The following GABRG1 variants were observed in gnomAD, a reference collection of about 807,000 sequenced individuals.
GABRG1 encodes gamma-aminobutyric acid receptor subunit gamma-1.
GABRG1 carries 49 observed loss-of-function variants against 49.8 expected under a neutral mutation model. The observed-to-expected ratio is 0.98, with a 90% CI of 0.78 to 1.25. GABRG1 has a LOEUF of 1.25. Ranked by LOEUF, GABRG1 falls within the 50% of genes most tolerant of loss-of-function variation. The pLI is 0.00. For synonymous variants in GABRG1, 232 were observed against 185.1 expected, an observed-to-expected ratio of 1.25 and a Z score of -2.06; for missense variants, 552 against 552.3, an observed-to-expected ratio of 1.00 and a Z score of 0.01.
chr4:46,081,533 G>A (rs140859454), intron 3 of GABRG1, among the ~76,000 whole-genome samples: 2 of 151,796 alleles, frequency 1.3e-5, no homozygotes, highest in Non-Finnish European at 2.9e-5. Context: ...GGAGTAAGCA[G>A]ACATAGGCAA....
intron 3 of GABRG1, 88 bp downstream of exon 3, chr4:46,083,897 AT>A: frequency 1.3e-6 from 1 of 749,962 alleles, no homozygotes; most frequent in Non-Finnish European, 2.3e-6. Context: ...AGAATTAACT[AT>A]AAAAAATTAC....
chr4:46,047,720 A>G (rs1007305277), intron 8 of GABRG1, among the ~76,000 whole-genome samples: 4 of 151,990 alleles, frequency 2.6e-5, no homozygotes, highest in African/African-American at 9.7e-5. Context: ...AAAATAACCT[A>G]CTTCTGAAAA....
At chr4:46,091,565 C>T (rs183850668) in intron 2 of GABRG1, among the ~76,000 whole-genome samples, 23 of 151,878 alleles carry the variant, frequency 1.5e-4, no homozygotes, top group African/African-American at 5.5e-4. Context: ...TTATAGTATA[C>T]CTGAAATTGA....
At chr4:46,096,833 A>G (rs1373110958) in intron 2 of GABRG1, among the ~76,000 whole-genome samples, 1 of 151,708 alleles carries the variant, frequency 6.6e-6, no homozygotes. Context: ...TGGCATGAAA[A>G]AGTATAATTT....
chr4:46,120,577 CATTTGCTTTT>C, intron 1 of GABRG1, among the ~76,000 whole-genome samples: 1 of 151,794 alleles, frequency 6.6e-6, no homozygotes, highest in Non-Finnish European at 1.5e-5. Flanking sequence ...TTTACTTAGT[CATTTGCTTTT>C]CAAGTTTGAA....
intron 3 of GABRG1, among the ~76,000 whole-genome samples, chr4:46,069,990 G>A (rs1719057220): frequency 6.6e-6 from 1 of 151,846 alleles, no homozygotes; most frequent in Admixed American, 6.6e-5. Flanking sequence ...GAAGGGAGAG[G>A]ACAAAGAGGC....
At chr4:46,119,927 T>C (rs1721046547) in intron 1 of GABRG1, among the ~76,000 whole-genome samples, 1 of 151,728 alleles carries the variant, frequency 6.6e-6, no homozygotes, top group Admixed American at 6.6e-5. Flanking sequence ...TATATCATAA[T>C]AGAATAACTA....
At chr4:46,092,977 G>A (rs1418245116) in intron 2 of GABRG1, among the ~76,000 whole-genome samples, 1 of 151,048 alleles carries the variant, frequency 6.6e-6, no homozygotes, top group East Asian at 2.0e-4. Context: ...GCTGAGACAG[G>A]AGAATTGCTT....
At chr4:46,083,046 C>T (rs1431735589) in intron 3 of GABRG1, among the ~76,000 whole-genome samples, 1 of 151,648 alleles carries the variant, frequency 6.6e-6, no homozygotes, top group Non-Finnish European at 1.5e-5. Context: ...CTGGACCATT[C>T]CTGCTGAATG....
chr4:46,051,639 C>A lies in GABRG1; in HGVS notation c.917-1G>T. ...GTCATAGTCAGAACTGTAGTGATACCTATAGAGAGAGGAAACAAAACAGGA... is the reference window on the plus strand; with the variant it reads ...GTCATAGTCAGAACTGTAGTGATACATATAGAGAGAGGAAACAAAACAGGA... On this transcript the variant is annotated splice_acceptor_variant, in intron 7 of 8. Transcript: ENST00000295452. LOFTEE classifies it high-confidence loss of function. The A allele has an allele frequency of 3.2e-6, 5 of 1,555,470 alleles. No homozygotes were observed. The highest frequency in any genetic ancestry group is 3.5e-6 in the Non-Finnish European group (4 of 1,141,792).
rs559613257 is a variant in GABRG1, at chr4:46,091,373, G to T, written c.253+5828C>A. Among the ~76,000 whole-genome samples, 23 of 151,918 alleles carry T rather than the reference G, an allele frequency of 1.5e-4. No individual in the cohort carries two copies. In the South Asian group the frequency reaches 4.6e-3, roughly 30 times the overall value. On this transcript the variant is annotated intron_variant, in intron 2 of 8. Coordinates refer to ENST00000295452, the MANE Select transcript of GABRG1 (RefSeq NM_173536.4). ...CCATTATTTTTCACATACCCTACTC[G>T]CATTCAACACAAAATTAAGACACAT... is the stretch of plus-strand genomic sequence containing the variant.
In GABRG1 at chr4:46,064,445, T is replaced by C. The variant is rs1718830490; in HGVS notation, c.621A>G (p.Ser207=). ...MDEHSCPLEF[S]SYGYPKNEIE... is the part of the protein sequence containing the mutation. ...ATCAAGTGTTTTGTTACTTACAGCT[T>C]GAAAATTCCAGTGGACAGGAATGTT... Residue 207 remains serine (S), a synonymous_variant, in exon 5 of 9, where the codon TCA becomes TCG. Coordinates refer to ENST00000295452, the MANE Select transcript of GABRG1 (RefSeq NM_173536.4). The C allele has an allele frequency of 1.3e-6, 2 of 1,510,578 alleles. No individual in the cohort carries two copies. Among genetic ancestry groups the C allele is most frequent in the Non-Finnish European group, 1.8e-6 (2 of 1,124,160 alleles). 93.6% of individuals were successfully genotyped at this position (1,510,578 alleles called of 1,614,324 possible).
At position 46,121,062 on chromosome 4, in the gene GABRG1, T is replaced by C. The variant is rs540498303; in HGVS notation, c.104+2748A>G. Among the ~76,000 whole-genome samples, 464 of 151,856 alleles carry C rather than the reference T, an allele frequency of 3.1e-3. 2 individuals are homozygous for C. The highest frequency in any genetic ancestry group is 5.9e-3 in the Non-Finnish European group (397 of 67,794). On this transcript the variant is annotated intron_variant, in intron 1 of 8. Transcript: ENST00000295452. ...TACAGTTTTAGTTACAATGATAGGA[T>C]AGGTTTTCATAGTTCAGCAATAAAA...
intron 1 of GABRG1, among the ~76,000 whole-genome samples, chr4:46,104,403 G>T (rs1223856500): frequency 6.6e-6 from 1 of 151,424 alleles, no homozygotes; most frequent in Non-Finnish European, 1.5e-5. Context: ...TGAATTTATT[G>T]CCGTGTTGTT....
intron 3 of GABRG1, among the ~76,000 whole-genome samples, chr4:46,070,792 G>A (rs1719088847): frequency 6.6e-6 from 1 of 152,074 alleles, no homozygotes; most frequent in South Asian, 2.1e-4. Context: ...TCTGCAGCCT[G>A]AGTCTCTTCT....
At chr4:46,100,295 G>A (rs1720337436) in intron 1 of GABRG1, among the ~76,000 whole-genome samples, 1 of 151,408 alleles carries the variant, frequency 6.6e-6, no homozygotes, top group African/African-American at 2.4e-5. Flanking sequence ...CAAATGGAGG[G>A]GAGCAACACA....
chr4:46,118,278 C>CTATCTATA (rs1211123452), intron 1 of GABRG1, among the ~76,000 whole-genome samples: 1 of 149,468 alleles, frequency 6.7e-6, no homozygotes, highest in African/African-American at 2.5e-5. Flanking sequence ...ATCTATCTAT[C>CTATCTATA]TACCTACCTA....
rs570526592 is a variant in GABRG1, at chr4:46,047,517, A to G, written c.1131+3907T>C. Reference sequence around the variant, plus strand: ...CTCTTCAACACTGTGTGCCTGTTCAATGTTTCACAGGCCACATAATATGAT... The same window carrying G: ...CTCTTCAACACTGTGTGCCTGTTCAGTGTTTCACAGGCCACATAATATGAT... On this transcript the variant is annotated intron_variant, in intron 8 of 8. Coordinates refer to ENST00000295452, the MANE Select transcript of GABRG1 (RefSeq NM_173536.4). 1.4e-4 allele frequency among the ~76,000 whole-genome samples: 22 copies of G among 152,174 alleles called. No homozygotes were observed. The South Asian group carries it at 3.5e-3, about 24-fold the overall frequency.
chr4:46,046,406 A>G (rs1348104753), intron 8 of GABRG1, among the ~76,000 whole-genome samples: 6 of 152,242 alleles, frequency 3.9e-5, no homozygotes, highest in East Asian at 1.9e-4. Context: ...TATTGAAAAC[A>G]TTCCACCATG....
Sources: allele counts gnomAD v4.1 joint callset (sites outside exome capture counted in the v4.1 genomes callset), GRCh38; gene constraint gnomAD v4.1.1; transcripts MANE v1.5; gene names NCBI Gene and HGNC (gene_info 2026-07-23, HGNC 2026-07-21).